Variants in MIEF2 observed in about 807,000 individuals in gnomAD.
The protein encoded by MIEF2 is mitochondrial elongation factor 2, also known as mitochondrial dynamics protein MID49.
MIEF2 carries 1 observed loss-of-function variant against 7.4 expected under a neutral mutation model. The observed-to-expected ratio is 0.14, with a 90% CI of 0.05 to 0.64. The LOEUF is 0.64. Ranked by LOEUF, MIEF2 falls within the 30% of genes least tolerant of loss-of-function variation. The probability of loss-of-function intolerance (pLI) is 0.85; values close to 1 mark genes in which losing one functional copy is unlikely to be tolerated. For synonymous variants in MIEF2, 275 were observed against 290.5 expected (o/e 0.95, Z 0.54); for missense variants, 569 against 623.9 (o/e 0.91, Z 0.94).
chr17:18,263,660 T>G (rs1252361556), intron 3 of MIEF2, 50 bp from the exon 4 acceptor site: 1 of 1,498,734 alleles, frequency 6.7e-7, no homozygotes, highest in African/African-American at 1.4e-5. Context: ...GGCGTTTTCT[T>G]AACTAATCAC....
Position 18,262,650 on chromosome 17 carries a change from C to T in MIEF2, c.-7-64C>T, listed in dbSNP as rs775299950. 1.2e-5 allele frequency: 17 copies of T among 1,458,094 alleles called. 1 individual carries two copies. The East Asian group carries it at 3.9e-4, about 33-fold the overall frequency. The allele number at this position is 1,458,094 out of a possible 1,614,324, so 90.3% of individuals were successfully genotyped here. A position where few individuals can be genotyped will look rare whatever the true frequency, so the allele number is the denominator to read the frequency against. On this transcript the variant is annotated intron_variant, in intron 1 of 3. Coordinates refer to ENST00000323019, the MANE Select transcript of MIEF2 (RefSeq NM_139162.4). ...GGACAGCTAGAGCACCTGTCCACAG[C>T]AGCCCCTCTCCCAGCCTGGCCACCT...
In MIEF2 at chr17:18,261,861, A is replaced by G. The variant is rs903646252; in HGVS notation, c.-7-853A>G. 3.3e-5 allele frequency among the ~76,000 whole-genome samples: 5 copies of G among 152,258 alleles called. No homozygotes were observed. The East Asian group carries it at 7.7e-4, about 23-fold the overall frequency. ...GAGAGGCCCAGAGAGCCCCCTGTACAGAGGCACTGGGCAGCCCTTTCTGCC... is the reference window on the plus strand; with the variant it reads ...GAGAGGCCCAGAGAGCCCCCTGTACGGAGGCACTGGGCAGCCCTTTCTGCC... On this transcript the variant is annotated intron_variant, in intron 1 of 3. Coordinates refer to ENST00000323019, the MANE Select transcript of MIEF2 (RefSeq NM_139162.4).
Position 18,264,305 on chromosome 17 carries a change from T to G in MIEF2, c.906T>G (p.Ala302=). The change falls in exon 4 of 4, where the codon GCT becomes GCG. Residue 302 remains alanine, a synonymous_variant. Coordinates refer to ENST00000323019, the MANE Select transcript of MIEF2 (RefSeq NM_139162.4). ...ACGAACGCCTGGAGCTCACTGTGGC[T>G]GTGCTTGTGGCAGTCCCTGGGGTCG... ...VQHERLELTV[A]VLVAVPGVDA... The G allele has an allele frequency of 6.2e-7, 1 of 1,607,710 alleles. No individual in the cohort carries two copies. The highest frequency in any genetic ancestry group is 1.3e-5 in the African/African-American group (1 of 75,052).
chr17:18,263,557 A>T, intron 3 of MIEF2, 153 bp from the exon 4 acceptor site: 1 of 1,079,962 alleles, frequency 9.3e-7, no homozygotes, highest in Non-Finnish European at 1.3e-6. Context: ...CCAAGAGCTC[A>T]CTATATGTGA....
chr17:18,264,910 G>C lies in MIEF2; in HGVS notation c.*146G>C, dbSNP rs1978667495. The C allele has an allele frequency of 1.5e-6, 2 of 1,377,388 alleles. No homozygotes were observed. Among genetic ancestry groups the C allele is most frequent in the Non-Finnish European group, 1.9e-6 (2 of 1,047,132 alleles). The allele number at this position is 1,377,388 out of a possible 1,614,324, so 85.3% of individuals were successfully genotyped here. On this transcript the variant is annotated 3_prime_UTR_variant, in exon 4 of 4. Coordinates refer to ENST00000323019, the MANE Select transcript of MIEF2 (RefSeq NM_139162.4). ...ACTTAAACCCAGGGCATCAGGATGT[G>C]CTTGGGCTATGGTGGCCATAAACCC... is the stretch of plus-strand genomic sequence containing the variant.
rs373516169 is a variant in MIEF2, at chr17:18,264,229, G to A, written c.830G>A (p.Cys277Tyr). 7.5e-6 allele frequency: 12 copies of A among 1,603,124 alleles called. No homozygotes were observed. The highest frequency in any genetic ancestry group is 1.0e-5 in the Non-Finnish European group (12 of 1,179,638). The change falls in exon 4 of 4, where the codon TGC becomes TAC. Residue 277 changes from cysteine (C) to tyrosine (Y), a missense_variant. Coordinates refer to ENST00000323019, the MANE Select transcript of MIEF2 (RefSeq NM_139162.4). ...CCGGCCATTGGCAGCCTTCTCGGGT[G>A]CCTGATCCGGCCCAGCATGGCCTCG... is the stretch of plus-strand genomic sequence containing the variant. ...NWPAIGSLLG[C>Y]LIRPSMASEE... is the part of the protein sequence containing the mutation.
In MIEF2 at chr17:18,264,788, A is replaced by T. The variant is rs374897344; in HGVS notation, c.*24A>T. On this transcript the variant is annotated 3_prime_UTR_variant, in exon 4 of 4. Transcript: ENST00000323019. Reference sequence around the variant, plus strand: ...AGGTGGGTGGAAACGGGTGGTTGCCATGTTTTCTAATGCTGGGGAGCTGCA... The same window carrying T: ...AGGTGGGTGGAAACGGGTGGTTGCCTTGTTTTCTAATGCTGGGGAGCTGCA... 1.3e-6 allele frequency: 2 copies of T among 1,582,612 alleles called. No individual in the cohort carries two copies. Among genetic ancestry groups the T allele is most frequent in the African/African-American group, 1.3e-5 (1 of 74,088 alleles).
intron 1 of MIEF2, 89 bp downstream of exon 1, chr17:18,260,826 C>T (rs779075415): frequency 1.9e-4 from 73 of 377,496 alleles, no homozygotes; most frequent in Admixed American, 7.0e-4. Context: ...GCGTGGCCCG[C>T]GATCACCGCT....
In MIEF2 at chr17:18,265,380, C is replaced by T. The variant is rs1229750883; in HGVS notation, c.*616C>T. The stretch of plus-strand genomic sequence containing the variant: ...ATGACTTGCCACCCACCTGATACCT[C>T]AGGGCAAGGCCCTTTTTCCCTCCAG... On this transcript the variant is annotated 3_prime_UTR_variant, in exon 4 of 4. Coordinates refer to ENST00000323019, the MANE Select transcript of MIEF2 (RefSeq NM_139162.4). The T allele has an allele frequency of 6.6e-6, 1 of 152,494 alleles. No individual in the cohort carries two copies. The highest frequency in any genetic ancestry group is 1.5e-5 in the Non-Finnish European group (1 of 68,256). The allele number at this position is 152,494 out of a possible 1,614,324, so 9.4% of individuals were successfully genotyped here. A position where few individuals can be genotyped will look rare whatever the true frequency, so the allele number is the denominator to read the frequency against.
rs1403812001 is a variant in MIEF2, at chr17:18,264,707, T to C, written c.1308T>C (p.Ile436=). ...TCAGCAGCTTGCGTGAGGAGGAGAT[T>C]GACGACATTGGCTATGCGCTATACA... ...NLFSSLREEE[I]DDIGYALYSG... The change falls in exon 4 of 4, where the codon ATT becomes ATC. Residue 436 remains isoleucine, a synonymous_variant. Coordinates refer to ENST00000323019, the MANE Select transcript of MIEF2 (RefSeq NM_139162.4). 1 of 1,612,588 alleles carries C rather than the reference T, an allele frequency of 6.2e-7. No homozygotes were observed. Among genetic ancestry groups the C allele is most frequent in the African/African-American group, 1.3e-5 (1 of 74,894 alleles).
intron 1 of MIEF2, chr17:18,260,978 G>C (rs1436865570): frequency 2.3e-6 from 2 of 873,178 alleles, no homozygotes; most frequent in East Asian, 5.3e-5. Flanking sequence ...GGCCTGCTCC[G>C]CCCGGGCCCA....
intron 1 of MIEF2, 32 bp downstream of exon 1, chr17:18,260,769 G>A (rs1809840503): frequency 3.5e-6 from 1 of 287,592 alleles, no homozygotes; most frequent in South Asian, 4.5e-5. Context: ...GCGGCCCCCA[G>A]GGTCACCGGG....
In MIEF2 at chr17:18,264,878, G is replaced by A; in HGVS notation, c.*114G>A. The A allele has an allele frequency of 6.9e-6, 10 of 1,449,018 alleles. No individual in the cohort carries two copies. The highest frequency in any genetic ancestry group is 8.2e-6 in the Non-Finnish European group (9 of 1,099,270). 89.8% of individuals were successfully genotyped at this position (1,449,018 alleles called of 1,614,324 possible). A position where few individuals can be genotyped will look rare whatever the true frequency, so the allele number is the denominator to read the frequency against. Reference sequence around the variant, plus strand: ...TAGCTTTTTGCCAGAACAAAGGAGGGTACATTACTTAAACCCAGGGCATCA... The same window carrying A: ...TAGCTTTTTGCCAGAACAAAGGAGGATACATTACTTAAACCCAGGGCATCA... On this transcript the variant is annotated 3_prime_UTR_variant, in exon 4 of 4. Coordinates refer to ENST00000323019, the MANE Select transcript of MIEF2 (RefSeq NM_139162.4).
intron 1 of MIEF2, among the ~76,000 whole-genome samples, chr17:18,261,472 G>C (rs987035199): frequency 1.3e-5 from 2 of 152,192 alleles, no homozygotes; most frequent in African/African-American, 4.8e-5. Flanking sequence ...TTGGTGCCCG[G>C]GCAGGCTGTG....
Position 18,263,907 on chromosome 17 carries a change from G to A in MIEF2, c.508G>A (p.Glu170Lys), listed in dbSNP as rs766984197. ...LQAYFRSKFP[E>K]LPFGAFVPGG... Reference sequence around the variant, plus strand: ...GGCCTACTTTCGGAGCAAGTTCCCGGAACTGCCCTTTGGGGCATTCGTGCC... The same window carrying A: ...GGCCTACTTTCGGAGCAAGTTCCCGAAACTGCCCTTTGGGGCATTCGTGCC... Residue 170 changes from glutamate to lysine, a missense_variant, in exon 4 of 4, where the codon GAA becomes AAA. Physicochemically the swap from Glu to Lys is moderately conservative, Grantham distance 56 (BLOSUM62 1). Coordinates refer to ENST00000323019, the MANE Select transcript of MIEF2 (RefSeq NM_139162.4). 8 of 1,601,312 alleles carry A rather than the reference G, an allele frequency of 5.0e-6. No individual in the cohort carries two copies. Among genetic ancestry groups the A allele is most frequent in the African/African-American group, 2.7e-5 (2 of 74,946 alleles).
At position 18,263,334 on chromosome 17, in the gene MIEF2, C is replaced by T. The variant is rs770349534; in HGVS notation, c.310+86C>T. On this transcript the variant is annotated intron_variant, in intron 3 of 3. Coordinates refer to ENST00000323019, the MANE Select transcript of MIEF2 (RefSeq NM_139162.4). ...CCCTGACTGACTGTGTGACCCTGCG[C>T]GAGTCCCTGCTTCTCTCTCGGTTGT... is the stretch of plus-strand genomic sequence containing the variant. The T allele has an allele frequency of 9.1e-6, 14 of 1,540,562 alleles. No individual in the cohort carries two copies. In the Admixed American group the frequency reaches 1.0e-4, roughly 11 times the overall value.
intron 1 of MIEF2, chr17:18,260,998 G>A (rs1978382951): frequency 9.3e-7 from 1 of 1,078,782 alleles, no homozygotes; most frequent in Non-Finnish European, 1.4e-6. Flanking sequence ...AGGGCAGGCA[G>A]GTTTGGCGGA....
At position 18,264,234 on chromosome 17, in the gene MIEF2, A is replaced by G. The variant is rs778541208; in HGVS notation, c.835A>G (p.Ile279Val). The G allele has an allele frequency of 6.2e-7, 1 of 1,603,734 alleles. No individual in the cohort carries two copies. Among genetic ancestry groups the G allele is most frequent in the Non-Finnish European group, 8.5e-7 (1 of 1,179,664 alleles). Residue 279 changes from isoleucine (I) to valine (V), a missense_variant, in exon 4 of 4, where the codon ATC becomes GTC. Transcript: ENST00000323019. Reference protein sequence around the residue: ...PAIGSLLGCLIRPSMASEELL... With the variant: ...PAIGSLLGCLVRPSMASEELL... ...CATTGGCAGCCTTCTCGGGTGCCTG[A>G]TCCGGCCCAGCATGGCCTCGGAGGA...
At position 18,264,174 on chromosome 17, in the gene MIEF2, C is replaced by T. The variant is rs777504562; in HGVS notation, c.775C>T (p.Arg259Cys). 6.3e-6 allele frequency: 10 copies of T among 1,591,640 alleles called. No homozygotes were observed. Among genetic ancestry groups the T allele is most frequent in the South Asian group, 1.1e-5 (1 of 90,346 alleles). Residue 259 changes from arginine to cysteine, a missense_variant, in exon 4 of 4, where the codon CGC (arginine) becomes TGC (cysteine). Physicochemically the swap from Arg to Cys is radical, Grantham distance 180 (BLOSUM62 -3). Transcript: ENST00000323019. ...LSSRVLLELLRKALAASVNWP... is the reference protein window; with the variant it reads ...LSSRVLLELLCKALAASVNWP... ...CTCCCGCGTCCTGCTGGAGCTACTC[C>T]GCAAGGCGCTGGCTGCTTCTGTCAA...
Sources: gnomAD v4.1 joint callset for allele counts (sites outside exome capture counted in the v4.1 genomes callset) on GRCh38, gnomAD v4.1.1 for gene constraint, MANE v1.5 for transcripts, NCBI Gene and HGNC (gene_info 2026-07-23, HGNC 2026-07-21) for gene names.